The following ZZEF1 variants were observed in gnomAD, a reference collection of about 807,000 sequenced individuals.
ZZEF1 encodes the protein zinc finger ZZ-type and EF-hand domain containing 1, also known as zinc finger ZZ-type and EF-hand domain-containing protein 1.
A neutral mutation model predicts 342.8 loss-of-function variants in ZZEF1; 157 were observed. The observed-to-expected ratio is 0.46, with a 90% CI of 0.40 to 0.52. The LOEUF is 0.52. Ranked by LOEUF, ZZEF1 falls within the 20% of genes least tolerant of loss-of-function variation. The probability of loss-of-function intolerance (pLI) is 0.00; values close to 1 mark genes in which losing one functional copy is unlikely to be tolerated. For synonymous variants in ZZEF1, 1,505 were observed against 1,429.1 expected, an observed-to-expected ratio of 1.05 and a Z score of -1.20; for missense variants, 3,480 against 3,725.6, an observed-to-expected ratio of 0.93 and a Z score of 1.72.
intron 39 of ZZEF1, among the ~76,000 whole-genome samples, chr17:4,037,253 T>C (rs968539636): frequency 5.3e-5 from 8 of 152,342 alleles, no homozygotes; most frequent in African/African-American, 1.9e-4. Context: ...GGAAAGATTA[T>C]GGTAGAAAAG....
chr17:4,099,034 C>T (rs949516393), intron 9 of ZZEF1, among the ~76,000 whole-genome samples: 3 of 152,110 alleles, frequency 2.0e-5, no homozygotes, highest in Non-Finnish European at 2.9e-5. Context: ...TTTAGTTAGT[C>T]TCAATGTAGT....
Position 4,123,925 on chromosome 17 carries a change from C to T in ZZEF1, c.481G>A (p.Ala161Thr). The T allele has an allele frequency of 6.2e-7, 1 of 1,613,910 alleles. No homozygotes were observed. Among genetic ancestry groups the T allele is most frequent in the Non-Finnish European group, 8.5e-7 (1 of 1,179,958 alleles). ...ELSHIIRQLQ[A>T]CSLVPGFTDI... ...GCCTCACCTGGAACCAGAGAGCAGG[C>T]CTGTAGTTGTCTGATGATGTGGCTC... The change falls in exon 2 of 55, where the codon GCC (alanine) becomes ACC (threonine). Residue 161 changes from alanine to threonine, a missense_variant. By Grantham distance (58) the Ala-to-Thr change is moderately conservative. Around this residue, in one of 5 missense-constraint regions of ZZEF1, gnomAD observed 416 missense variants for 374.2 expected, o/e 1.11. Coordinates refer to ENST00000381638, the MANE Select transcript of ZZEF1 (RefSeq NM_015113.4).
In ZZEF1 at chr17:4,015,758, C is replaced by T. The variant is rs138836206; in HGVS notation, c.8145+565G>A. 3.8e-3 allele frequency among the ~76,000 whole-genome samples: 581 copies of T among 152,162 alleles called. 6 individuals are homozygous for T. The highest frequency in any genetic ancestry group is 0.013 in the African/African-American group (545 of 41,522). ...CAGCCTGGGCGACAGAGTGAGACTC[C>T]GTCTCAAAAAAAAGTGCTAAAGGGA... On this transcript the variant is annotated intron_variant, in intron 49 of 54. Coordinates refer to ENST00000381638, the MANE Select transcript of ZZEF1 (RefSeq NM_015113.4).
At chr17:4,124,535 C>T (rs1432870553) in intron 1 of ZZEF1, among the ~76,000 whole-genome samples, 3 of 152,110 alleles carry the variant, frequency 2.0e-5, no homozygotes. Context: ...CTCCGCCTCC[C>T]GGGTTCAAGT....
At chr17:4,109,622 A>G in intron 6 of ZZEF1, 31 bp downstream of exon 6, 1 of 1,608,928 alleles carries the variant, frequency 6.2e-7, no homozygotes, top group Non-Finnish European at 8.5e-7. Context: ...GGGCATGTTG[A>G]GGGGGCTGGA....
intron 3 of ZZEF1, among the ~76,000 whole-genome samples, chr17:4,114,704 C>T (rs1169404218): frequency 6.6e-6 from 1 of 152,122 alleles, no homozygotes; most frequent in Admixed American, 6.6e-5. Flanking sequence ...TATTACCTGA[C>T]GTGAAGATCA....
rs1450849480 is a variant in ZZEF1, at chr17:4,072,712, C to G, written c.3730G>C (p.Val1244Leu). ...GGTTTCCACAGTGGGGAGCTTAGGA[C>G]TAATGCCATTTTTGCCTGAGGTACT... ...MVVPQAKMAL[V>L]LSSPLWKPVF... Residue 1244 changes from valine (V) to leucine (L), a missense_variant, in exon 25 of 55, where the codon GTC (valine) becomes CTC (leucine). By Grantham distance (32) the Val-to-Leu change is conservative (BLOSUM62 1). Transcript: ENST00000381638. The G allele has an allele frequency of 3.7e-6, 6 of 1,613,814 alleles. No homozygotes were observed. Among genetic ancestry groups the G allele is most frequent in the Non-Finnish European group, 5.1e-6 (6 of 1,179,858 alleles).
Position 4,014,233 on chromosome 17 carries a change from G to A in ZZEF1, c.8315-45C>T, listed in dbSNP as rs2056041614. ...AGGCCCATCAGGAACTGAAGCAACA[G>A]GGAATGGCAGCAGTGGTGTTGGGTT... On this transcript the variant is annotated intron_variant, in intron 50 of 54. Transcript: ENST00000381638. The surrounding 1 kb of genome is among the most constrained non-coding windows in gnomAD (Gnocchi z 4.4). 6.2e-7 allele frequency: 1 copy of A among 1,611,300 alleles called. No homozygotes were observed. Among genetic ancestry groups the A allele is most frequent in the East Asian group, 2.2e-5 (1 of 44,870 alleles).
intron 46 of ZZEF1, among the ~76,000 whole-genome samples, chr17:4,018,259 A>G (rs966615550): frequency 7.2e-5 from 11 of 152,136 alleles, no homozygotes; most frequent in Non-Finnish European, 1.3e-4. Flanking sequence ...CATTAAAAAA[A>G]CATTTTTAAA....
intron 1 of ZZEF1, among the ~76,000 whole-genome samples, chr17:4,131,615 C>A (rs1001510490): frequency 6.6e-6 from 1 of 151,794 alleles, no homozygotes; most frequent in Admixed American, 6.6e-5. Flanking sequence ...CTCCTCTCTA[C>A]AAAAATATAC....
chr17:4,107,055 C>G (rs1168511211), intron 6 of ZZEF1, among the ~76,000 whole-genome samples: 1 of 152,212 alleles, frequency 6.6e-6, no homozygotes, highest in Non-Finnish European at 1.5e-5. Flanking sequence ...TTAATGCACA[C>G]AAGTAGCATG....
chr17:4,140,162 A>G (rs2058819641), intron 1 of ZZEF1, among the ~76,000 whole-genome samples: 1 of 152,244 alleles, frequency 6.6e-6, no homozygotes. Flanking sequence ...GGACATTTTC[A>G]TAAGGAAGCA....
intron 10 of ZZEF1, among the ~76,000 whole-genome samples, chr17:4,096,306 T>C (rs562328518): frequency 6.8e-6 from 1 of 146,874 alleles, no homozygotes; most frequent in South Asian, 2.2e-4. Flanking sequence ...GGTCTGACTT[T>C]AAAAAAAAAA....
At position 4,054,070 on chromosome 17, in the gene ZZEF1, T is replaced by C; in HGVS notation, c.5421A>G (p.Lys1807=). The C allele has an allele frequency of 6.2e-7, 1 of 1,611,718 alleles. No individual in the cohort carries two copies. Among genetic ancestry groups the C allele is most frequent in the Middle Eastern group, 1.7e-4 (1 of 6,054 alleles). ...CLQCSDMDLC[K]TCFLGGVKPE... The stretch of plus-strand genomic sequence containing the variant: ...CATGAAATTTACCTAGGAAGCAAGT[T>C]TTGCAGAGATCCATGTCGCTGCACT... Residue 1807 remains lysine (K), a synonymous_variant, in exon 34 of 55, where the codon AAA becomes AAG. Coordinates refer to ENST00000381638, the MANE Select transcript of ZZEF1 (RefSeq NM_015113.4).
Position 4,124,747 on chromosome 17 carries a change from C to T in ZZEF1, c.355-696G>A, listed in dbSNP as rs530745679. Among the ~76,000 whole-genome samples the T allele has an allele frequency of 4.6e-5, 7 of 152,128 alleles. No individual in the cohort carries two copies. In the South Asian group the frequency reaches 8.3e-4, roughly 18 times the overall value. On this transcript the variant is annotated intron_variant, in intron 1 of 54. Transcript: ENST00000381638. ...TGCTGGGATTACAGGTGTGGGCCAC[C>T]GCGTCTGCCTGGGCTTTTTCAACAC...
rs2057556862 is a variant in ZZEF1, at chr17:4,073,861, AT to A, written c.3685+288del. 2.6e-5 allele frequency among the ~76,000 whole-genome samples: 4 copies of A among 152,274 alleles called. No individual in the cohort carries two copies. In the South Asian group the frequency reaches 8.3e-4, roughly 32 times the overall value. On this transcript the variant is annotated intron_variant, in intron 24 of 54. Transcript: ENST00000381638. ...TATACTCCTGCCTTTTGGTTGGACT[AT>A]ACCTACACCTACTTGCAAAAAAATG...
At chr17:4,066,994 T>A (rs1280576359) in intron 27 of ZZEF1, among the ~76,000 whole-genome samples, 169 bp downstream of exon 27, 1 of 152,244 alleles carries the variant, frequency 6.6e-6, no homozygotes, top group Non-Finnish European at 1.5e-5. Flanking sequence ...CTGTCCAGAC[T>A]ATAATTTCAA....
chr17:4,086,501 T>G lies in ZZEF1; in HGVS notation c.2497A>C (p.Thr833Pro), dbSNP rs1442785465. The G allele has an allele frequency of 3.7e-6, 6 of 1,614,082 alleles. No individual in the cohort carries two copies. Among genetic ancestry groups the G allele is most frequent in the Non-Finnish European group, 5.1e-6 (6 of 1,180,046 alleles). The change falls in exon 15 of 55, where the codon ACA becomes CCA. Residue 833 changes from threonine to proline, a missense_variant. By Grantham distance (38) the Thr-to-Pro change is conservative. This residue lies in a region of ZZEF1 where 1,528 missense variants were observed against 1,624.1 expected (regional missense o/e 0.94). Transcript: ENST00000381638. ...AAATCCCTACCATCACACAAGTGTG[T>G]GTACAGCTCCTTGGCAGCCTCTACT... ...KGVEAAKELYTHLCDVVDKVD... is the reference protein window; with the variant it reads ...KGVEAAKELYPHLCDVVDKVD...
At chr17:4,115,622 C>T (rs2058381847) in intron 3 of ZZEF1, among the ~76,000 whole-genome samples, 1 of 151,998 alleles carries the variant, frequency 6.6e-6, no homozygotes, top group Non-Finnish European at 1.5e-5. Context: ...GGGATCACAC[C>T]ACTGCACACC....
Sources: allele counts gnomAD v4.1 joint callset (sites outside exome capture counted in the v4.1 genomes callset), GRCh38; gene constraint gnomAD v4.1.1; regional missense constraint gnomAD v4.1.1; non-coding constraint Gnocchi (gnomAD v3.1); transcripts MANE v1.5; gene names NCBI Gene and HGNC (gene_info 2026-07-23, HGNC 2026-07-21).